Variants in ATP11B observed in about 807,000 individuals in gnomAD.
ATP11B encodes ATPase phospholipid transporting 11B (putative).
A neutral mutation model predicts 157.8 loss-of-function variants in ATP11B; 81 were observed. That is an observed-to-expected ratio of 0.51 (90% CI 0.43 to 0.62). The LOEUF (loss-of-function observed/expected upper bound fraction) is 0.62, where lower values mean the gene tolerates loss of function less well. Among genes scored for constraint, ATP11B ranks in the 20% least tolerant of loss-of-function variants. The probability of loss-of-function intolerance (pLI) is 0.00; values close to 1 mark genes in which losing one functional copy is unlikely to be tolerated. For missense variants in ATP11B, 1,165 were observed against 1,402.2 expected, an observed-to-expected ratio of 0.83 and a Z score of 2.70; for synonymous variants, 451 against 469.4, an observed-to-expected ratio of 0.96 and a Z score of 0.51.
intron 1 of ATP11B, among the ~76,000 whole-genome samples, chr3:182,812,987 C>T (rs1716760587): frequency 6.6e-6 from 1 of 152,180 alleles, no homozygotes; most frequent in Non-Finnish European, 1.5e-5. Flanking sequence ...TTCTGACTGG[C>T]TTATTTTACT....
intron 12 of ATP11B, among the ~76,000 whole-genome samples, chr3:182,863,376 CCCTCCTTTTTTCTTCA>C (rs1720998235): frequency 6.6e-6 from 1 of 151,798 alleles, no homozygotes; most frequent in African/African-American, 2.4e-5. Context: ...AACTCTCTTC[CCCTCCTTTTTTCTTCA>C]TGATAGAATT....
At chr3:182,906,498 C>G (rs1724359473) in intron 28 of ATP11B, among the ~76,000 whole-genome samples, 1 of 152,140 alleles carries the variant, frequency 6.6e-6, no homozygotes, top group African/African-American at 2.4e-5. Context: ...GGCTAGAGTG[C>G]AGTGGCACGA....
rs1214752270 is a variant in ATP11B at position 182,825,722 on chromosome 3, CA to C, written c.145-2380del. 9.4e-3 allele frequency among the ~76,000 whole-genome samples: 844 copies of C among 89,618 alleles called. 5 individuals carry two copies. Among genetic ancestry groups the C allele is most frequent in the African/African-American group, 0.02 (511 of 26,204 alleles). 58.8% of individuals were successfully genotyped at this position (89,618 alleles called of 152,430 possible). On this transcript the variant is annotated intron_variant, in intron 2 of 29. Coordinates refer to ENST00000323116, the MANE Select transcript of ATP11B (RefSeq NM_014616.3). ...TGGGTGACTGAGTGAGACTCTGTCT[CA>C]AAAAAAAAAAAAAAAAATACAGAAA...
intron 1 of ATP11B, among the ~76,000 whole-genome samples, chr3:182,810,585 CTT>C (rs1716603140): frequency 6.6e-6 from 1 of 151,966 alleles, no homozygotes; most frequent in African/African-American, 2.4e-5. Flanking sequence ...TTTTTTCTAC[CTT>C]TGTGTCTATT....
chr3:182,835,258 T>C (rs902131240), intron 4 of ATP11B, among the ~76,000 whole-genome samples: 1 of 152,218 alleles, frequency 6.6e-6, no homozygotes, highest in Non-Finnish European at 1.5e-5. Flanking sequence ...AAGGGTCAAC[T>C]GTACTAATTA....
rs114854066 is a variant in ATP11B, at chr3:182,844,613, T to A, written c.705-845T>A. On this transcript the variant is annotated intron_variant, in intron 8 of 29. Transcript: ENST00000323116. ...TGCAATGCAAGTAGTCAAGTTATAC[T>A]GTGCGATCTTGCCTAGAAAAAGCAC... 2,464 of 928,730 alleles carry A rather than the reference T, an allele frequency of 2.7e-3. 50 individuals carry two copies. The African/African-American group carries it at 0.042, about 16-fold the overall frequency. The allele number at this position is 928,730 out of a possible 1,614,324, so 57.5% of individuals were successfully genotyped here.
At chr3:182,903,333 A>T (rs1002483860) in intron 28 of ATP11B, among the ~76,000 whole-genome samples, 26 of 152,034 alleles carry the variant, frequency 1.7e-4, no homozygotes, top group Non-Finnish European at 3.1e-4. Context: ...CGTATTTTTT[A>T]AATTATTTTT....
At chr3:182,890,395 C>G (rs769638280) in intron 25 of ATP11B, among the ~76,000 whole-genome samples, 3 of 152,206 alleles carry the variant, frequency 2.0e-5, no homozygotes, top group African/African-American at 7.2e-5. Flanking sequence ...ATCTGCTCAA[C>G]AGATCTTTAT....
intron 9 of ATP11B, among the ~76,000 whole-genome samples, chr3:182,847,070 T>G (rs932019273): frequency 1.1e-4 from 16 of 150,000 alleles, no homozygotes; most frequent in East Asian, 3.9e-4. Context: ...TTTTTTTTTT[T>G]GAGACATGGT....
rs139890840 is a variant in ATP11B at position 182,865,564 on chromosome 3, G to C, written c.1309G>C (p.Val437Leu). Residue 437 changes from valine (V) to leucine (L), a missense_variant, in exon 13 of 30, where the codon GTA (valine) becomes CTA (leucine). By Grantham distance (32) the Val-to-Leu change is conservative. Around this residue, in one of 4 missense-constraint regions of ATP11B, gnomAD observed 737 missense variants for 930.5 expected, o/e 0.79. Transcript: ENST00000323116. Reference protein sequence around the residue: ...MKYQEINGRLVPEGPTPDSSE... With the variant: ...MKYQEINGRLLPEGPTPDSSE... Reference sequence around the variant, plus strand: ...ATACCAAGAAATTAATGGTAGACTTGTACCCGAAGGACCAACACCAGACTC... The same window carrying C: ...ATACCAAGAAATTAATGGTAGACTTCTACCCGAAGGACCAACACCAGACTC... The C allele has an allele frequency of 4.3e-4, 693 of 1,613,670 alleles. No homozygotes were observed. The highest frequency in any genetic ancestry group is 5.4e-4 in the Non-Finnish European group (635 of 1,179,848).
chr3:182,915,395 T>G, intron 29 of ATP11B: 1 of 985,398 alleles, frequency 1.0e-6, no homozygotes, highest in Non-Finnish European at 1.2e-6. Flanking sequence ...TTTGTTATGA[T>G]TTACATAATT....
At chr3:182,793,951 T>C (rs1407968072) in intron 1 of ATP11B, among the ~76,000 whole-genome samples, 165 bp downstream of exon 1, 2 of 151,748 alleles carry the variant, frequency 1.3e-5, no homozygotes, top group African/African-American at 2.4e-5. Flanking sequence ...AGAAGCCCCG[T>C]GCGGCTCCCG....
At chr3:182,858,163 A>G (rs536058857) in intron 11 of ATP11B, 135 bp downstream of exon 11, 32 of 735,804 alleles carry the variant, frequency 4.3e-5, no homozygotes, top group Non-Finnish European at 6.4e-5. Context: ...CAGAAATGGC[A>G]TTGCAAATGC....
chr3:182,812,030 A>G (rs1286785628), intron 1 of ATP11B, among the ~76,000 whole-genome samples: 1 of 151,852 alleles, frequency 6.6e-6, no homozygotes. Flanking sequence ...CCTTTTTTCT[A>G]CTTTTTTTTT....
intron 28 of ATP11B, among the ~76,000 whole-genome samples, chr3:182,901,797 A>C (rs1220207268): frequency 6.6e-6 from 1 of 152,184 alleles, no homozygotes; most frequent in Non-Finnish European, 1.5e-5. Flanking sequence ...AAGTGCTTTT[A>C]TATATTTTGG....
chr3:182,906,911 A>T (rs1171734317), intron 28 of ATP11B, among the ~76,000 whole-genome samples: 1 of 151,836 alleles, frequency 6.6e-6, no homozygotes, highest in Non-Finnish European at 1.5e-5. Flanking sequence ...ACACGGTGAA[A>T]CCCCGTCTCT....
At chr3:182,847,404 G>A (rs921056163) in intron 9 of ATP11B, among the ~76,000 whole-genome samples, 2 of 152,100 alleles carry the variant, frequency 1.3e-5, no homozygotes, top group African/African-American at 4.8e-5. Context: ...AATGAATGGG[G>A]TCCAAATTTT....
At chr3:182,838,163 T>C (rs1718701746) in intron 7 of ATP11B, among the ~76,000 whole-genome samples, 1 of 152,068 alleles carries the variant, frequency 6.6e-6, no homozygotes, top group South Asian at 2.1e-4. Context: ...TTGTATACTT[T>C]CATCAAAGTC....
At chr3:182,820,976 T>C (rs1717305457) in intron 2 of ATP11B, among the ~76,000 whole-genome samples, 1 of 152,224 alleles carries the variant, frequency 6.6e-6, no homozygotes, top group South Asian at 2.1e-4. Flanking sequence ...GAGATAGCTT[T>C]TATGAAATCT....
Sources: allele counts gnomAD v4.1 joint callset (sites outside exome capture counted in the v4.1 genomes callset), GRCh38; gene constraint gnomAD v4.1.1; regional missense constraint gnomAD v4.1.1; transcripts MANE v1.5; gene names NCBI Gene and HGNC (gene_info 2026-07-23, HGNC 2026-07-21).